The following CAMKK1 variants were observed in gnomAD, a reference collection of about 807,000 sequenced individuals.
CAMKK1 encodes the protein calcium/calmodulin-dependent protein kinase kinase 1.
In CAMKK1, 20 loss-of-function variants were observed where a neutral mutation model predicts 63.5. The observed-to-expected ratio is 0.32, with a 90% CI of 0.22 to 0.46. The LOEUF is 0.46. Ranked by LOEUF, CAMKK1 falls within the 20% of genes least tolerant of loss-of-function variation. CAMKK1 has a pLI of 1.00. For synonymous variants in CAMKK1, 253 were observed against 269.0 expected (o/e 0.94, Z 0.58); for missense variants, 588 against 658.1 (o/e 0.89, Z 1.17).
At chr17:3,891,059 G>A (rs1028844727) in intron 1 of CAMKK1, among the ~76,000 whole-genome samples, 12 of 150,892 alleles carry the variant, frequency 8.0e-5, no homozygotes, top group Admixed American at 2.0e-4. Context: ...CCAGGAACTC[G>A]GAATGTCATG....
intron 12 of CAMKK1, among the ~76,000 whole-genome samples, chr17:3,872,018 G>A (rs972647487): frequency 2.0e-5 from 3 of 152,216 alleles, no homozygotes; most frequent in African/African-American, 7.2e-5. Context: ...CACGGTGGCC[G>A]TCATGAGGCG....
Position 3,873,460 on chromosome 17 carries a change from G to A in CAMKK1, c.999C>T (p.Ala333=), listed in dbSNP as rs1457664265. The change falls in exon 11 of 16, where the codon GCC becomes GCT. Residue 333 remains alanine (A), a splice_region_variant and synonymous_variant. Coordinates refer to ENST00000348335, the MANE Select transcript of CAMKK1 (RefSeq NM_032294.3). ...TGACGCCAGTGGCCCATACATCCAA[G>A]GCCTGGAAAGAAACATGCTCACATC... The part of the protein sequence containing the change: ...SDSGQSFSGK[A]LDVWATGVTL... 2 of 1,614,092 alleles carry A rather than the reference G, an allele frequency of 1.2e-6. No homozygotes were observed. Among genetic ancestry groups the A allele is most frequent in the Non-Finnish European group, 1.7e-6 (2 of 1,180,004 alleles).
At chr17:3,873,797 T>C (rs1348767888) in intron 10 of CAMKK1, among the ~76,000 whole-genome samples, 4 of 152,176 alleles carry the variant, frequency 2.6e-5, no homozygotes, top group Admixed American at 1.3e-4. Flanking sequence ...CCAGGAATGA[T>C]GGTATATATG....
At position 3,882,169 on chromosome 17, in the gene CAMKK1, C is replaced by T. The variant is rs544296117; in HGVS notation, c.685+359G>A. 4 of 864,028 alleles carry T rather than the reference C, an allele frequency of 4.6e-6. No homozygotes were observed. The African/African-American group carries it at 6.7e-5, about 15-fold the overall frequency. The allele number at this position is 864,028 out of a possible 1,614,324, so 53.5% of individuals were successfully genotyped here. ...TCACAGGAACCCTATGAGGTAGACACCACTAGTATCCCTGTTTTATAGGTG... is the reference window on the plus strand; with the variant it reads ...TCACAGGAACCCTATGAGGTAGACATCACTAGTATCCCTGTTTTATAGGTG... On this transcript the variant is annotated intron_variant, in intron 7 of 15. Coordinates refer to ENST00000348335, the MANE Select transcript of CAMKK1 (RefSeq NM_032294.3). This position sits in a 1 kb window ranked among gnomAD's most constrained non-coding sequence, Gnocchi z 4.3.
chr17:3,868,425 GT>G, intron 14 of CAMKK1, among the ~76,000 whole-genome samples: 2 of 116,864 alleles, frequency 1.7e-5, no homozygotes, highest in South Asian at 3.3e-4. Context: ...GGAGACACAG[GT>G]GCTGCCTAAC....
intron 14 of CAMKK1, among the ~76,000 whole-genome samples, chr17:3,868,960 CTTTTCTTTTCTTCTTTT>C (rs2054705317): frequency 1.4e-5 from 2 of 146,350 alleles, no homozygotes; most frequent in Admixed American, 1.4e-4. Context: ...GTATTTCTTT[CTTTTCTTTTCTTCTTTT>C]TTTTTTTTTG....
In CAMKK1 at chr17:3,864,158, C is replaced by T. The variant is rs576394342; in HGVS notation, c.1445+1750G>A. On this transcript the variant is annotated intron_variant, in intron 15 of 15. Coordinates refer to ENST00000348335, the MANE Select transcript of CAMKK1 (RefSeq NM_032294.3). ...TAGAGATGGGGTCTTGCTATGTTGC[C>T]CAGGCTGGTCTTGAACTCCTGGCCT... Among the ~76,000 whole-genome samples the T allele has an allele frequency of 8.0e-5, 12 of 150,504 alleles. No individual in the cohort carries two copies. The East Asian group carries it at 2.2e-3, about 27-fold the overall frequency.
In CAMKK1 at chr17:3,883,218, G is replaced by A; in HGVS notation, c.515-43C>T. On this transcript the variant is annotated intron_variant, in intron 5 of 15. Coordinates refer to ENST00000348335, the MANE Select transcript of CAMKK1 (RefSeq NM_032294.3). The surrounding 1 kb of genome is among the most constrained non-coding windows in gnomAD (Gnocchi z 4.7). Reference sequence around the variant, plus strand: ...ACTCAAACACCTGTTCCAGGTGGCTGGGCCTCACCGTGGCCCCCAAACCAG... The same window carrying A: ...ACTCAAACACCTGTTCCAGGTGGCTAGGCCTCACCGTGGCCCCCAAACCAG... The A allele has an allele frequency of 6.2e-7, 1 of 1,603,644 alleles. No homozygotes were observed. Among genetic ancestry groups the A allele is most frequent in the Non-Finnish European group, 8.5e-7 (1 of 1,177,974 alleles).
At position 3,882,761 on chromosome 17, in the gene CAMKK1, G is replaced by A. The variant is rs1344395230; in HGVS notation, c.649-197C>T. ...CGACCCCCAACCTGGCCCGCCACACGACATCCAGCCTTCCTCCCCTCCAGC... is the reference window on the plus strand; with the variant it reads ...CGACCCCCAACCTGGCCCGCCACACAACATCCAGCCTTCCTCCCCTCCAGC... On this transcript the variant is annotated intron_variant, in intron 6 of 15. Transcript: ENST00000348335. The surrounding 1 kb of genome is among the most constrained non-coding windows in gnomAD (Gnocchi z 4.3). Among the ~76,000 whole-genome samples the A allele has an allele frequency of 2.0e-5, 3 of 152,096 alleles. No homozygotes were observed. The highest frequency in any genetic ancestry group is 7.2e-5 in the African/African-American group (3 of 41,412).
chr17:3,886,755 C>A (rs2055670918), intron 1 of CAMKK1, among the ~76,000 whole-genome samples: 1 of 152,092 alleles, frequency 6.6e-6, no homozygotes, highest in Non-Finnish European at 1.5e-5. Context: ...TGACCCCCAG[C>A]CCTCACCTTC....
chr17:3,865,092 T>A (rs2054467383), intron 15 of CAMKK1: 1 of 975,006 alleles, frequency 1.0e-6, no homozygotes, highest in African/African-American at 1.8e-5. Context: ...AGGACCACGC[T>A]GTGGTTCAGG....
rs1447367944 is a variant in CAMKK1, at chr17:3,883,598, G to T, written c.463-118C>A. The T allele has an allele frequency of 4.4e-6, 4 of 903,734 alleles. No individual in the cohort carries two copies. The highest frequency in any genetic ancestry group is 1.3e-5 in the South Asian group (1 of 74,710). 56.0% of individuals were successfully genotyped at this position (903,734 alleles called of 1,614,324 possible). On this transcript the variant is annotated intron_variant, in intron 4 of 15. Coordinates refer to ENST00000348335, the MANE Select transcript of CAMKK1 (RefSeq NM_032294.3). The surrounding 1 kb of genome is among the most constrained non-coding windows in gnomAD (Gnocchi z 4.7). Reference sequence around the variant, plus strand: ...TGGACATCTGCTACTGGCCCTGAGGGTGTGGCCCAGGTAAGTGTTAAGCGG... The same window carrying T: ...TGGACATCTGCTACTGGCCCTGAGGTTGTGGCCCAGGTAAGTGTTAAGCGG...
In CAMKK1 at chr17:3,879,485, G is replaced by C. The variant is rs1263549002; in HGVS notation, c.796+861C>G. ...TGCAGTCAGCAAAGACCTCAGGGGA[G>C]GGATTCCCAGCCCTCATGCTGTGGC... On this transcript the variant is annotated intron_variant, in intron 9 of 15. Transcript: ENST00000348335. The surrounding 1 kb of genome is among the most constrained non-coding windows in gnomAD (Gnocchi z 4.5). 1.3e-5 allele frequency: 2 copies of C among 152,546 alleles called. No individual in the cohort carries two copies. Among genetic ancestry groups the C allele is most frequent in the African/African-American group, 4.8e-5 (2 of 41,538 alleles). The allele number at this position is 152,546 out of a possible 1,614,324, so 9.4% of individuals were successfully genotyped here.
At chr17:3,871,577 C>A (rs142919881) in intron 12 of CAMKK1, among the ~76,000 whole-genome samples, 7,971 of 149,264 alleles carry the variant, frequency 0.053, 716 homozygotes, top group African/African-American at 0.16. Context: ...AGGATGGTCT[C>A]GATCTCCTGA....
chr17:3,869,475 C>G lies in CAMKK1; in HGVS notation c.1341+12G>C. ...CTCCAGGACAAGGGAGCATCTACCC[C>G]GGCTCTCTTACCACCGTGGTCCAGC... On this transcript the variant is annotated intron_variant, in intron 14 of 15. Transcript: ENST00000348335. 1 of 1,614,044 alleles carries G rather than the reference C, an allele frequency of 6.2e-7. No homozygotes were observed. The highest frequency in any genetic ancestry group is 1.3e-5 in the African/African-American group (1 of 75,022).
intron 1 of CAMKK1, among the ~76,000 whole-genome samples, 194 bp from the exon 2 acceptor site, chr17:3,885,924 C>T (rs866161372): frequency 3.9e-5 from 6 of 152,242 alleles, no homozygotes; most frequent in Admixed American, 6.5e-5. Context: ...CATGCCAGCC[C>T]TCTAGGCCTC....
Position 3,862,827 on chromosome 17 carries a change from G to C in CAMKK1, c.1446-544C>G, listed in dbSNP as rs192777157. The stretch of plus-strand genomic sequence containing the variant: ...GTATTTTTTTATCTCTATAAAAACA[G>C]GGTTTCACCATGTTGCCCAGGCTGG... On this transcript the variant is annotated intron_variant, in intron 15 of 15. Transcript: ENST00000348335. The surrounding 1 kb of genome is among the most constrained non-coding windows in gnomAD (Gnocchi z 4.1). Among the ~76,000 whole-genome samples, 1 of 152,150 alleles carries C rather than the reference G, an allele frequency of 6.6e-6. No individual in the cohort carries two copies. The highest frequency in any genetic ancestry group is 2.4e-5 in the African/African-American group (1 of 41,526).
chr17:3,861,996 C>T lies in CAMKK1; in HGVS notation c.*215G>A, dbSNP rs1019449798. 12 of 584,938 alleles carry T rather than the reference C, an allele frequency of 2.1e-5. No homozygotes were observed. Among genetic ancestry groups the T allele is most frequent in the East Asian group, 2.0e-4 (7 of 35,460 alleles). 36.2% of individuals were successfully genotyped at this position (584,938 alleles called of 1,614,324 possible). A position where few individuals can be genotyped will look rare whatever the true frequency, so the allele number is the denominator to read the frequency against. On this transcript the variant is annotated 3_prime_UTR_variant, in exon 16 of 16. Transcript: ENST00000348335. Reference sequence around the variant, plus strand: ...AGGTCCAAGAAGAGGAGGATGGCCTCGTGGGAGCCCTGCCCCCAAGACCCC... The same window carrying T: ...AGGTCCAAGAAGAGGAGGATGGCCTTGTGGGAGCCCTGCCCCCAAGACCCC...
Position 3,892,541 on chromosome 17 carries a change from G to T in CAMKK1, c.-44+398C>A, listed in dbSNP as rs1397098050. ...GGCTCCTGCAGGAAGACGCTCCGGCGGGCCGTGGGAGGAGCGCTCCGCGGA... is the reference window on the plus strand; with the variant it reads ...GGCTCCTGCAGGAAGACGCTCCGGCTGGCCGTGGGAGGAGCGCTCCGCGGA... On this transcript the variant is annotated intron_variant, in intron 1 of 15. Transcript: ENST00000348335. The surrounding 1 kb of genome is among the most constrained non-coding windows in gnomAD (Gnocchi z 7.5). Among the ~76,000 whole-genome samples the T allele has an allele frequency of 5.3e-5, 8 of 152,136 alleles. No individual in the cohort carries two copies. The highest frequency in any genetic ancestry group is 1.9e-4 in the African/African-American group (8 of 41,434).
Sources: gnomAD v4.1 joint callset for allele counts (sites outside exome capture counted in the v4.1 genomes callset) on GRCh38, gnomAD v4.1.1 for gene constraint, Gnocchi (gnomAD v3.1) non-coding constraint, MANE v1.5 for transcripts, NCBI Gene and HGNC (gene_info 2026-07-23, HGNC 2026-07-21) for gene names.